Variants in ADGRL2 observed in about 807,000 individuals in gnomAD.
The protein encoded by ADGRL2 is calcium-independent alpha-latrotoxin receptor 2.
ADGRL2 carries 44 observed loss-of-function variants against 157.4 expected under a neutral mutation model. The ratio of observed to expected loss-of-function variants is 0.28; its 90% CI spans 0.22 to 0.36. The LOEUF is 0.36. Ranked by LOEUF, ADGRL2 falls within the 10% of genes least tolerant of loss-of-function variation. ADGRL2 has a pLI of 1.00. For missense variants in ADGRL2, 1,510 were observed against 1,768.9 expected (o/e 0.85, Z 2.63); for synonymous variants, 585 against 624.7 (o/e 0.94, Z 0.95).
intron 1 of ADGRL2, among the ~76,000 whole-genome samples, chr1:81,829,496 ATGT>A (rs2091779321): frequency 6.6e-6 from 1 of 152,164 alleles, no homozygotes; most frequent in South Asian, 2.1e-4. Flanking sequence ...GAAGTCCCTG[ATGT>A]TGTTTTGAAT....
At chr1:81,990,146 A>C (rs1664294745) in intron 23 of ADGRL2, 1 of 985,206 alleles carries the variant, frequency 1.0e-6, no homozygotes, top group African/African-American at 1.7e-5. Context: ...GAAATTGATA[A>C]AGTATTACTC....
intron 17 of ADGRL2, among the ~76,000 whole-genome samples, chr1:81,972,998 A>C (rs1482253987): frequency 6.6e-6 from 1 of 151,532 alleles, no homozygotes; most frequent in Non-Finnish European, 1.5e-5. Context: ...AATACTTCCT[A>C]TTTTAAGAAG....
chr1:81,601,786 T>C (rs2081337525), intron 3 of ADGRL2, among the ~76,000 whole-genome samples: 2 of 152,218 alleles, frequency 1.3e-5, no homozygotes, highest in African/African-American at 4.8e-5. Context: ...CCCTCTCACA[T>C]TTCAGACATA....
intron 2 of ADGRL2, among the ~76,000 whole-genome samples, chr1:81,853,082 C>T (rs1034784454): frequency 1.3e-5 from 2 of 152,120 alleles, no homozygotes; most frequent in African/African-American, 2.4e-5. Flanking sequence ...AGCATTTTGA[C>T]ACTGCATTCT....
chr1:81,555,494 C>A (rs1005884994), intron 2 of ADGRL2, among the ~76,000 whole-genome samples: 4 of 152,068 alleles, frequency 2.6e-5, no homozygotes, highest in Non-Finnish European at 5.9e-5. Flanking sequence ...GTCTCAAACT[C>A]TTGGTCTCAA....
chr1:81,503,276 C>G (rs2078895445), intron 2 of ADGRL2: 1 of 1,614,098 alleles, frequency 6.2e-7, no homozygotes, highest in Non-Finnish European at 8.5e-7. Context: ...GTTAACATGT[C>G]TGTGGACATC....
intron 3 of ADGRL2, among the ~76,000 whole-genome samples, chr1:81,915,048 GA>G (rs1266536307): frequency 6.6e-6 from 1 of 152,078 alleles, no homozygotes; most frequent in Non-Finnish European, 1.5e-5. Context: ...ATCAAATGTA[GA>G]AAAGAGAGAA....
intron 1 of ADGRL2, among the ~76,000 whole-genome samples, chr1:81,706,939 A>G (rs1355231629): frequency 6.6e-6 from 1 of 152,180 alleles, no homozygotes; most frequent in African/African-American, 2.4e-5. Flanking sequence ...AAATGGCTCT[A>G]ATGTATTTTA....
chr1:81,608,070 T>A (rs2081469646), intron 3 of ADGRL2, among the ~76,000 whole-genome samples: 1 of 152,222 alleles, frequency 6.6e-6, no homozygotes, highest in Non-Finnish European at 1.5e-5. Flanking sequence ...TAAAAGGATG[T>A]AGTAAGTGGG....
At chr1:81,887,079 G>A (rs1253268574) in intron 2 of ADGRL2, among the ~76,000 whole-genome samples, 2 of 152,070 alleles carry the variant, frequency 1.3e-5, no homozygotes, top group African/African-American at 4.8e-5. Flanking sequence ...TGTTTAATAT[G>A]GAATATTATA....
intron 1 of ADGRL2, among the ~76,000 whole-genome samples, chr1:81,322,351 T>C (rs1479734182): frequency 6.6e-6 from 1 of 151,850 alleles, no homozygotes; most frequent in African/African-American, 2.4e-5. Context: ...AAACAAACCT[T>C]AAAAAGATAC....
At chr1:81,782,872 C>CT (rs1168004699) in intron 2 of ADGRL2, among the ~76,000 whole-genome samples, 49 of 152,254 alleles carry the variant, frequency 3.2e-4, no homozygotes, top group Admixed American at 1.0e-3. Context: ...AGGACTGTAT[C>CT]TACCTGAGTA....
intron 3 of ADGRL2, among the ~76,000 whole-genome samples, chr1:81,912,018 C>T (rs2094736172): frequency 6.6e-6 from 1 of 151,678 alleles, no homozygotes; most frequent in South Asian, 2.1e-4. Context: ...AAAGGTAGCA[C>T]CTGACTAGAA....
chr1:81,391,023 T>A lies in ADGRL2; in HGVS notation c.-301-54013T>A, dbSNP rs566660622. 4.0e-4 allele frequency among the ~76,000 whole-genome samples: 61 copies of A among 152,402 alleles called. No individual in the cohort carries two copies. In the South Asian group the frequency reaches 0.012, roughly 31 times the overall value. On this transcript the variant is annotated intron_variant, in intron 1 of 24. Coordinates refer to the ADGRL2 transcript ENST00000370721. ...GGAAACTTTTGACACTTAAAGAAGA[T>A]CCTCACACTAAAACCGTTTGGTAAC...
intron 1 of ADGRL2, among the ~76,000 whole-genome samples, chr1:81,735,945 C>G (rs2084884624): frequency 6.6e-6 from 1 of 151,156 alleles, no homozygotes; most frequent in African/African-American, 2.4e-5. Context: ...GAGATCGAGA[C>G]CATCCTGACT....
chr1:81,550,941 C>T (rs1278434170), intron 2 of ADGRL2, among the ~76,000 whole-genome samples: 2 of 152,038 alleles, frequency 1.3e-5, no homozygotes, highest in Non-Finnish European at 2.9e-5. Context: ...GTGTGAACTC[C>T]ACAGGGAAGC....
intron 2 of ADGRL2, among the ~76,000 whole-genome samples, chr1:81,849,285 A>G (rs144110811): frequency 6.6e-5 from 10 of 152,028 alleles, no homozygotes; most frequent in East Asian, 5.8e-4. Context: ...TCCCATTTCT[A>G]TTTGCACTGA....
At chr1:81,384,966 T>C (rs1035019385) in intron 1 of ADGRL2, among the ~76,000 whole-genome samples, 1 of 152,168 alleles carries the variant, frequency 6.6e-6, no homozygotes, top group Non-Finnish European at 1.5e-5. Context: ...CTATTCAATT[T>C]GAACACCATT....
At chr1:81,725,845 A>G (rs920536825) in intron 1 of ADGRL2, among the ~76,000 whole-genome samples, 6 of 152,020 alleles carry the variant, frequency 3.9e-5, no homozygotes, top group Non-Finnish European at 8.8e-5. Context: ...AATTAGCTGG[A>G]CATGGTGCAC....
Sources: gnomAD v4.1 joint callset for allele counts (sites outside exome capture counted in the v4.1 genomes callset) on GRCh38, gnomAD v4.1.1 for gene constraint, MANE v1.5 for transcripts, NCBI Gene and HGNC (gene_info 2026-07-23, HGNC 2026-07-21) for gene names.